GLMN: variants seen among roughly 807,000 people sequenced by gnomAD.
GLMN encodes the protein glomulin, FKBP associated protein, also known as glomulin.
GLMN carries 75 observed loss-of-function variants against 87.8 expected under a neutral mutation model. That is an observed-to-expected ratio of 0.85 (90% confidence interval 0.71 to 1.04). GLMN has a LOEUF of 1.04. Ranked by LOEUF, GLMN falls within the 50% of genes least tolerant of loss-of-function variation. GLMN has a pLI of 0.00. For missense variants in GLMN, 588 were observed against 658.8 expected (o/e 0.89, Z 1.18); for synonymous variants, 206 against 221.6 (o/e 0.93, Z 0.63).
chr1:92,362,003 G>A, the GLMN span, among the ~76,000 whole-genome samples: 3 of 152,148 alleles, frequency 2.0e-5, no homozygotes, highest in African/African-American at 7.2e-5. Context: ...ATATTTGTTC[G>A]TTGAATTGGA....
the GLMN span, among the ~76,000 whole-genome samples, chr1:92,362,506 A>C: frequency 4.3e-4 from 65 of 152,256 alleles, no homozygotes; most frequent in Admixed American, 4.3e-3. Flanking sequence ...TGAGTTTGGG[A>C]TTTGGCTGTT....
the GLMN span, among the ~76,000 whole-genome samples, chr1:92,314,952 C>A: frequency 2.1e-5 from 3 of 146,030 alleles, no homozygotes; most frequent in Non-Finnish European, 4.5e-5. Context: ...GGCTGAGGTG[C>A]GAGAATCTCT....
the GLMN span, among the ~76,000 whole-genome samples, chr1:92,330,092 A>T: frequency 6.6e-6 from 1 of 151,928 alleles, no homozygotes; most frequent in Non-Finnish European, 1.5e-5. Flanking sequence ...AGTGGGAATG[A>T]CTCTTCTGCA....
intron 7 of GLMN, among the ~76,000 whole-genome samples, chr1:92,281,969 T>C (rs1648116592): frequency 6.6e-6 from 1 of 152,150 alleles, no homozygotes; most frequent in Admixed American, 6.5e-5. Context: ...CCCAGGTTTA[T>C]AAAGCAAGTC....
At chr1:92,346,737 C>T in the GLMN span, among the ~76,000 whole-genome samples, 1 of 152,160 alleles carries the variant, frequency 6.6e-6, no homozygotes, top group African/African-American at 2.4e-5. Context: ...ATTTAGTACT[C>T]ATTCAGCTTT....
chr1:92,319,923 G>A, the GLMN span, among the ~76,000 whole-genome samples: 902 of 151,964 alleles, frequency 5.9e-3, 8 homozygotes, highest in African/African-American at 0.019. Flanking sequence ...ACTTGAACCC[G>A]GGAGGCAGAG....
chr1:92,346,134 T>C, the GLMN span, among the ~76,000 whole-genome samples: 1 of 152,084 alleles, frequency 6.6e-6, no homozygotes, highest in East Asian at 1.9e-4. Flanking sequence ...AATACCTTAT[T>C]CTTTACAAAT....
At chr1:92,266,267 T>C (rs570942735) in intron 13 of GLMN, 152 bp downstream of exon 13, 2 of 682,304 alleles carry the variant, frequency 2.9e-6, no homozygotes, top group Admixed American at 2.1e-5. Context: ...ACCCTTTCTC[T>C]AGCCATCACT....
chr1:92,256,746 A>G (rs993423273), intron 16 of GLMN, among the ~76,000 whole-genome samples: 1 of 152,158 alleles, frequency 6.6e-6, no homozygotes, highest in Non-Finnish European at 1.5e-5. Context: ...GTATTGATGG[A>G]ACGTATCTCA....
chr1:92,357,014 T>A, the GLMN span, among the ~76,000 whole-genome samples: 1 of 150,894 alleles, frequency 6.6e-6, no homozygotes, highest in South Asian at 2.1e-4. Context: ...TGCAGTGAGC[T>A]GAGATTGTGT....
At chr1:92,296,315 G>C (rs1650043526) in intron 3 of GLMN, among the ~76,000 whole-genome samples, 1 of 152,194 alleles carries the variant, frequency 6.6e-6, no homozygotes, top group Non-Finnish European at 1.5e-5. Context: ...ACCCAAGCCT[G>C]GGTAATTTAG....
the GLMN span, among the ~76,000 whole-genome samples, chr1:92,317,451 T>C: frequency 1.3e-5 from 2 of 151,788 alleles, no homozygotes; most frequent in Admixed American, 6.6e-5. Context: ...GAGGTTGCAG[T>C]GAGCCGAGAT....
chr1:92,337,652 T>C, the GLMN span, among the ~76,000 whole-genome samples: 1 of 152,148 alleles, frequency 6.6e-6, no homozygotes, highest in South Asian at 2.1e-4. Flanking sequence ...ACTTGGGATA[T>C]CTCAGTTTTC....
chr1:92,341,378 A>G, the GLMN span, among the ~76,000 whole-genome samples: 1 of 152,208 alleles, frequency 6.6e-6, no homozygotes, highest in East Asian at 1.9e-4. Context: ...CACTCAAACA[A>G]TAGTAAATAC....
upstream of GLMN, chr1:92,303,893 A>G: frequency 1.2e-6 from 1 of 843,872 alleles, no homozygotes; most frequent in Admixed American, 2.7e-5. Flanking sequence ...CTGTGTTTTC[A>G]GATAAGATTG....
intron 4 of GLMN, among the ~76,000 whole-genome samples, chr1:92,290,958 C>G (rs1649338186): frequency 6.6e-6 from 1 of 152,198 alleles, no homozygotes; most frequent in Non-Finnish European, 1.5e-5. Context: ...GTATTCTACC[C>G]TATTCCTACT....
chr1:92,252,045 G>A (rs1424848701), intron 16 of GLMN, among the ~76,000 whole-genome samples: 1 of 152,016 alleles, frequency 6.6e-6, no homozygotes, highest in African/African-American at 2.4e-5. Flanking sequence ...TGATCTGCCC[G>A]CCTCAGCCTC....
At chr1:92,258,315 T>C (rs1349822805) in intron 16 of GLMN, among the ~76,000 whole-genome samples, 1 of 151,974 alleles carries the variant, frequency 6.6e-6, no homozygotes, top group Admixed American at 6.6e-5. Context: ...GGAGTCTAAA[T>C]TAGTTCAACC....
intron 16 of GLMN, among the ~76,000 whole-genome samples, chr1:92,255,350 A>G (rs1465230697): frequency 6.6e-6 from 1 of 152,150 alleles, no homozygotes; most frequent in East Asian, 1.9e-4. Context: ...ACAGATCAAC[A>G]AGACAGAAAA....
Sources: allele counts gnomAD v4.1 joint callset (sites outside exome capture counted in the v4.1 genomes callset), GRCh38; gene constraint gnomAD v4.1.1; transcripts MANE v1.5; gene names NCBI Gene and HGNC (gene_info 2026-07-23, HGNC 2026-07-21).